The following SOD2 variants were observed in gnomAD, a reference collection of about 807,000 sequenced individuals.
The protein encoded by SOD2 is superoxide dismutase 2.
A neutral mutation model predicts 27.0 loss-of-function variants in SOD2; 11 were observed. That is an observed-to-expected ratio of 0.41 (90% CI 0.26 to 0.67). SOD2 has a LOEUF of 0.67. SOD2 is among the 30% of genes least tolerant of loss of function. The pLI is 0.34. For missense variants in SOD2, 250 were observed against 274.5 expected, an observed-to-expected ratio of 0.91 and a Z score of 0.63; for synonymous variants, 105 against 103.0, an observed-to-expected ratio of 1.02 and a Z score of -0.12.
intron 1 of SOD2, among the ~76,000 whole-genome samples, chr6:159,714,541 T>C (rs1187020983): frequency 1.3e-5 from 2 of 152,192 alleles, no homozygotes. Flanking sequence ...GCACAGCCTC[T>C]AGATGTTTTG....
In SOD2 at chr6:159,681,450, CT is replaced by C. The variant is rs2114760244; in HGVS notation, c.*1042del. On this transcript the variant is annotated 3_prime_UTR_variant, in exon 5 of 5. Transcript: ENST00000538183. ...CAGGGACTAAACTCTGACCTCCATTCTTTGCTCTCAGTTTCTTCCTGAGGGG... is the reference window on the plus strand; with the variant it reads ...CAGGGACTAAACTCTGACCTCCATTCTTGCTCTCAGTTTCTTCCTGAGGGG... 1 of 152,362 alleles carries C rather than the reference CT, an allele frequency of 6.6e-6. No individual in the cohort carries two copies. The highest frequency in any genetic ancestry group is 1.9e-4 in the East Asian group (1 of 5,190). 9.4% of individuals were successfully genotyped at this position (152,362 alleles called of 1,614,324 possible).
At chr6:159,700,301 T>C (rs1204901341) in intron 1 of SOD2, among the ~76,000 whole-genome samples, 1 of 152,238 alleles carries the variant, frequency 6.6e-6, no homozygotes, top group African/African-American at 2.4e-5. Flanking sequence ...AGTGTGGTGA[T>C]GCAGTAGCTC....
At chr6:159,697,079 A>ACACG (rs1491257731), upstream of SOD2, among the ~76,000 whole-genome samples, 1 of 149,512 alleles carries the variant, frequency 6.7e-6, no homozygotes, top group Non-Finnish European at 1.5e-5. Context: ...ACACACACAC[A>ACACG]CGCAGTCAGC....
At chr6:159,724,038 T>C (rs760500665) in intron 1 of SOD2, among the ~76,000 whole-genome samples, 16 of 152,162 alleles carry the variant, frequency 1.1e-4, no homozygotes, top group Non-Finnish European at 2.2e-4. Flanking sequence ...TGTGTGCCAC[T>C]GCACCCAGCC....
In SOD2 at chr6:159,692,885, C is replaced by T. The variant is rs1466588114; in HGVS notation, c.24-22G>A. On this transcript the variant is annotated intron_variant, in intron 1 of 4. Transcript: ENST00000538183. ...GGTGCTGAAGACGAGAAAGCACAGCCCGGTCAGTCAGCGCCGCGGGACCGT... is the reference window on the plus strand; with the variant it reads ...GGTGCTGAAGACGAGAAAGCACAGCTCGGTCAGTCAGCGCCGCGGGACCGT... The T allele has an allele frequency of 2.5e-6, 4 of 1,569,406 alleles. No individual in the cohort carries two copies. The East Asian group carries it at 6.9e-5, about 27-fold the overall frequency.
At chr6:159,762,021 G>C in exon 1 of SOD2, 1 of 1,583,988 alleles carries the variant, frequency 6.3e-7, no homozygotes, top group Non-Finnish European at 8.6e-7. Context: ...GCAGGCCTGT[G>C]GGCTGCGAGG....
Position 159,698,791 on chromosome 6 carries a change from G to C in SOD2, c.-115-5928C>G, listed in dbSNP as rs1302044956. ...AATATTGTGTTCTTAAAGTAAGCTAGAGAAAAGAAAAAAATAAGAAAATCA... is the reference window on the plus strand; with the variant it reads ...AATATTGTGTTCTTAAAGTAAGCTACAGAAAAGAAAAAAATAAGAAAATCA... On this transcript the variant is annotated intron_variant, in intron 1 of 2. Coordinates refer to the SOD2 transcript ENST00000401980. Among the ~76,000 whole-genome samples the C allele has an allele frequency of 2.0e-5, 3 of 151,438 alleles. No individual in the cohort carries two copies. In the East Asian group the frequency reaches 5.8e-4, roughly 29 times the overall value.
At chr6:159,729,759 A>G (rs1353406201), upstream of SOD2, among the ~76,000 whole-genome samples, 1 of 152,202 alleles carries the variant, frequency 6.6e-6, no homozygotes, top group Non-Finnish European at 1.5e-5. Context: ...CCTTGCTACT[A>G]CAGTGTCTGC....
intron 1 of SOD2, chr6:159,713,991 C>T (rs1413786076): frequency 1.0e-5 from 8 of 783,118 alleles, no homozygotes; most frequent in Admixed American, 5.3e-5. Flanking sequence ...AGCATCGTGG[C>T]GACTGTTGAG....
intron 1 of SOD2, chr6:159,726,195 G>A (rs73022767): frequency 6.6e-6 from 1 of 152,386 alleles, no homozygotes; most frequent in Non-Finnish European, 1.5e-5. Context: ...TAATTTCAAC[G>A]TGTATTTCCA....
intron 1 of SOD2, chr6:159,713,329 G>C (rs1046987124): frequency 6.4e-5 from 42 of 655,790 alleles, no homozygotes; most frequent in Non-Finnish European, 9.1e-5. Flanking sequence ...CAGCTCCTCT[G>C]CCAATGCTAT....
chr6:159,690,590 C>CT (rs1031317118), intron 2 of SOD2, among the ~76,000 whole-genome samples: 6 of 144,016 alleles, frequency 4.2e-5, no homozygotes, highest in Non-Finnish European at 9.1e-5. Flanking sequence ...AAGACACCAA[C>CT]TTTTTTTTTC....
Position 159,681,177 on chromosome 6 carries a change from G to C in SOD2, c.*1316C>G, listed in dbSNP as rs1021018361. ...GGGACCCCTCTTTGGGGTGTGCCAG[G>C]GGGATTCCCACAAGCACAGAAATAA... On this transcript the variant is annotated 3_prime_UTR_variant, in exon 5 of 5. Transcript: ENST00000538183. The C allele has an allele frequency of 6.7e-6, 1 of 149,204 alleles. No homozygotes were observed. The highest frequency in any genetic ancestry group is 2.4e-5 in the African/African-American group (1 of 40,914). The allele number at this position is 149,204 out of a possible 1,614,324, so 9.2% of individuals were successfully genotyped here. A position where few individuals can be genotyped will look rare whatever the true frequency, so the allele number is the denominator to read the frequency against.
intron 1 of SOD2, chr6:159,743,624 G>C: frequency 6.5e-7 from 1 of 1,548,412 alleles, no homozygotes; most frequent in Non-Finnish European, 8.7e-7. Context: ...TTTAGAACTT[G>C]ATCTTAAAAT....
At chr6:159,718,611 T>C (rs1777968910) in intron 1 of SOD2, among the ~76,000 whole-genome samples, 1 of 152,202 alleles carries the variant, frequency 6.6e-6, no homozygotes. Flanking sequence ...TTAGATATAT[T>C]GGGTTATGTT....
chr6:159,699,019 G>A (rs1162375351), intron 1 of SOD2, among the ~76,000 whole-genome samples: 3 of 152,128 alleles, frequency 2.0e-5, no homozygotes, highest in African/African-American at 7.2e-5. Flanking sequence ...CAAGGGTCAA[G>A]TGTATTGCTG....
upstream of SOD2, among the ~76,000 whole-genome samples, chr6:159,732,046 C>A (rs1180552982): frequency 2.0e-5 from 3 of 152,102 alleles, no homozygotes; most frequent in South Asian, 2.1e-4. Context: ...TTGCCAAAAT[C>A]CTGGCATAGG....
At chr6:159,688,266 A>AT (rs745386965) in intron 2 of SOD2, 24 bp from the exon 3 acceptor site, 3 of 1,419,950 alleles carry the variant, frequency 2.1e-6, no homozygotes, top group African/African-American at 2.8e-5. Context: ...ATGCAAACAC[A>AT]TTTTTTTGTA....
intron 3 of SOD2, among the ~76,000 whole-genome samples, chr6:159,687,833 A>C (rs1562421369): frequency 6.6e-6 from 1 of 152,048 alleles, no homozygotes; most frequent in Non-Finnish European, 1.5e-5. Context: ...ATGGTGAATG[A>C]AACCTCATCT....
Sources: allele counts gnomAD v4.1 joint callset (sites outside exome capture counted in the v4.1 genomes callset), GRCh38; gene constraint gnomAD v4.1.1; transcripts MANE v1.5; gene names NCBI Gene and HGNC (gene_info 2026-07-23, HGNC 2026-07-21).